Variants in CAB39L observed in about 807,000 individuals in gnomAD.
CAB39L encodes the protein calcium-binding protein 39-like.
A neutral mutation model predicts 39.1 loss-of-function variants in CAB39L; 23 were observed. The observed-to-expected ratio is 0.59, with a 90% CI of 0.42 to 0.83. The LOEUF is 0.83. Among genes scored for constraint, CAB39L ranks in the 40% least tolerant of loss-of-function variants. The probability of loss-of-function intolerance (pLI) is 0.00; values close to 1 mark genes in which losing one functional copy is unlikely to be tolerated. For synonymous variants in CAB39L, 126 were observed against 137.2 expected (o/e 0.92, Z 0.57); for missense variants, 366 against 391.9 (o/e 0.93, Z 0.56).
chr13:49,399,008 GC>G (rs1956705365), intron 3 of CAB39L, among the ~76,000 whole-genome samples: 1 of 151,916 alleles, frequency 6.6e-6, no homozygotes, highest in African/African-American at 2.4e-5. Flanking sequence ...TCTTACTTTT[GC>G]TTTGTTCACA....
At chr13:49,381,150 A>G (rs1594027667) in intron 4 of CAB39L, among the ~76,000 whole-genome samples, 1 of 151,792 alleles carries the variant, frequency 6.6e-6, no homozygotes, top group Non-Finnish European at 1.5e-5. Context: ...CTGATCTCGA[A>G]CTCCTGACCT....
At chr13:49,323,130 A>T (rs1355561420) in intron 10 of CAB39L, among the ~76,000 whole-genome samples, 3 of 152,124 alleles carry the variant, frequency 2.0e-5, no homozygotes, top group Non-Finnish European at 4.4e-5. Flanking sequence ...ACCTCAGAGG[A>T]ACTGTGCAGT....
At chr13:49,318,216 C>T (rs1158088006) in intron 10 of CAB39L, among the ~76,000 whole-genome samples, 1 of 151,680 alleles carries the variant, frequency 6.6e-6, no homozygotes, top group Non-Finnish European at 1.5e-5. Context: ...AATCCCAACA[C>T]TTGGGGAGGC....
rs370368670 is a variant in CAB39L, at chr13:49,346,100, GAT to G, written c.565-1864_565-1863del. On this transcript the variant is annotated intron_variant, in intron 7 of 10. Transcript: ENST00000409308. ...GATATATATATATATATATATGCTAGATATATATATATATATATATATATCAT... is the reference window on the plus strand; with the variant it reads ...GATATATATATATATATATATGCTAGATATATATATATATATATATATCAT... 4.9e-4 allele frequency among the ~76,000 whole-genome samples: 15 copies of G among 30,920 alleles called. 1 individual carries two copies. The highest frequency in any genetic ancestry group is 1.8e-3 in the African/African-American group (13 of 7,134). The allele number at this position is 30,920 out of a possible 152,430, so 20.3% of individuals were successfully genotyped here. A position where few individuals can be genotyped will look rare whatever the true frequency, so the allele number is the denominator to read the frequency against.
chr13:49,348,979 TCTC>T (rs1186991831), intron 7 of CAB39L, among the ~76,000 whole-genome samples: 3 of 152,098 alleles, frequency 2.0e-5, no homozygotes, highest in Non-Finnish European at 4.4e-5. Flanking sequence ...CCCACTGACA[TCTC>T]CTACCCTTTA....
At chr13:49,379,844 CTT>C (rs199610486) in intron 4 of CAB39L, among the ~76,000 whole-genome samples, 35 of 139,318 alleles carry the variant, frequency 2.5e-4, no homozygotes, top group Non-Finnish European at 2.2e-4. Context: ...ACTAAATAAT[CTT>C]TTTTTTTTTT....
intron 9 of CAB39L, among the ~76,000 whole-genome samples, chr13:49,332,381 TTTAA>T (rs1299357946): frequency 6.6e-6 from 1 of 152,196 alleles, no homozygotes; most frequent in East Asian, 1.9e-4. Flanking sequence ...CAATACTCAC[TTTAA>T]TTATCTTGCT....
At chr13:49,442,807 A>AAAAAC (rs1555268547) in intron 1 of CAB39L, among the ~76,000 whole-genome samples, 11 of 141,424 alleles carry the variant, frequency 7.8e-5, no homozygotes, top group Non-Finnish European at 1.1e-4. Context: ...AAAAAAAAAA[A>AAAAAC]AAAAAAAAAA....
Position 49,377,121 on chromosome 13 carries a change from T to A in CAB39L, c.122A>T (p.Glu41Val). ...CATTGCTTGCAGTGATTTAGACACTTCTTCTGAAGCCTAGTGACCAAAACG... is the reference window on the plus strand; with the variant it reads ...CATTGCTTGCAGTGATTTAGACACTACTTCTGAAGCCTAGTGACCAAAACG... ...QDKKTDKASE[E>V]VSKSLQAMKE... is the part of the protein sequence containing the mutation. The change falls in exon 5 of 11, where the codon GAA (glutamate) becomes GTA (valine). Residue 41 changes from glutamate to valine, a missense_variant. Physicochemically the swap from Glu to Val is moderately radical, Grantham distance 121. Transcript: ENST00000409308. 6.2e-7 allele frequency: 1 copy of A among 1,613,276 alleles called. No individual in the cohort carries two copies. The highest frequency in any genetic ancestry group is 2.2e-5 in the East Asian group (1 of 44,886).
chr13:49,376,939 CACT>C, intron 5 of CAB39L, 25 bp downstream of exon 5: 1 of 1,447,640 alleles, frequency 6.9e-7, no homozygotes, highest in Non-Finnish European at 9.3e-7. Context: ...TGAAAAGCAC[CACT>C]GACATCCTTT....
intron 3 of CAB39L, among the ~76,000 whole-genome samples, chr13:49,432,249 G>C (rs970124911): frequency 3.9e-5 from 6 of 151,918 alleles, no homozygotes; most frequent in Non-Finnish European, 5.9e-5. Flanking sequence ...TGACCCCCAG[G>C]CTCCAGCAAT....
chr13:49,402,283 G>A (rs189260170), intron 3 of CAB39L, among the ~76,000 whole-genome samples: 34 of 152,258 alleles, frequency 2.2e-4, no homozygotes, highest in Non-Finnish European at 3.2e-4. Flanking sequence ...TTAAAATTAC[G>A]AAACTCTCTG....
At chr13:49,373,631 A>C (rs780105013) in intron 5 of CAB39L, among the ~76,000 whole-genome samples, 4 of 152,262 alleles carry the variant, frequency 2.6e-5, no homozygotes, top group Non-Finnish European at 4.4e-5. Context: ...GGTATGTCCC[A>C]ATACCTTCTT....
intron 6 of CAB39L, among the ~76,000 whole-genome samples, chr13:49,354,127 C>T (rs558561524): frequency 2.1e-4 from 32 of 152,258 alleles, no homozygotes; most frequent in African/African-American, 7.5e-4. Context: ...CCTTTCATTT[C>T]GTGAAGCTTA....
intron 3 of CAB39L, among the ~76,000 whole-genome samples, chr13:49,417,548 C>A (rs9568200): frequency 6.6e-6 from 1 of 151,784 alleles, no homozygotes. Flanking sequence ...AATATGTTAA[C>A]GATATTAAAA....
chr13:49,314,947 C>G (rs1374846671), intron 10 of CAB39L, among the ~76,000 whole-genome samples: 2 of 152,156 alleles, frequency 1.3e-5, no homozygotes, highest in Non-Finnish European at 2.9e-5. Context: ...TGCAAAATTG[C>G]TTTTGCCAGG....
intron 5 of CAB39L, among the ~76,000 whole-genome samples, chr13:49,372,345 C>T (rs934096674): frequency 1.2e-4 from 18 of 152,218 alleles, no homozygotes; most frequent in African/African-American, 1.9e-4. Flanking sequence ...ACCCAAAGGC[C>T]GACCTCCTAA....
intron 1 of CAB39L, among the ~76,000 whole-genome samples, chr13:49,439,331 G>A (rs897824909): frequency 3.9e-5 from 6 of 152,260 alleles, no homozygotes; most frequent in Admixed American, 1.3e-4. Flanking sequence ...GGGGGTACAT[G>A]TGCAGATTTG....
At chr13:49,364,200 G>A (rs1955707881) in intron 5 of CAB39L, among the ~76,000 whole-genome samples, 1 of 152,174 alleles carries the variant, frequency 6.6e-6, no homozygotes, top group South Asian at 2.1e-4. Context: ...TAAAGTGAGA[G>A]ACACATCCCA....
Sources: gnomAD v4.1 joint callset for allele counts (sites outside exome capture counted in the v4.1 genomes callset) on GRCh38, gnomAD v4.1.1 for gene constraint, MANE v1.5 for transcripts, NCBI Gene and HGNC (gene_info 2026-07-23, HGNC 2026-07-21) for gene names.